Variants in RYR1 observed in about 807,000 individuals in gnomAD.
The protein encoded by RYR1 is central core disease of muscle.
A neutral mutation model predicts 583.5 loss-of-function variants in RYR1; 342 were observed. The observed-to-expected ratio is 0.59, with a 90% CI of 0.54 to 0.64. The LOEUF (loss-of-function observed/expected upper bound fraction) is 0.64, where lower values mean the gene tolerates loss of function less well. Among genes scored for constraint, RYR1 ranks in the 30% least tolerant of loss-of-function variants. The pLI is 0.00. For missense variants in RYR1, 6,032 were observed against 6,917.2 expected, an observed-to-expected ratio of 0.87 and a Z score of 4.54; for synonymous variants, 2,791 against 2,822.5, an observed-to-expected ratio of 0.99 and a Z score of 0.35.
chr19:38,488,475 C>T (rs1969399238), intron 34 of RYR1, among the ~76,000 whole-genome samples: 1 of 152,090 alleles, frequency 6.6e-6, no homozygotes, highest in Non-Finnish European at 1.5e-5. Flanking sequence ...TCCCTCTTTA[C>T]TTCCATATGT....
At chr19:38,564,607 T>C (rs1320723905) in intron 90 of RYR1, among the ~76,000 whole-genome samples, 1 of 150,164 alleles carries the variant, frequency 6.7e-6, no homozygotes, top group East Asian at 2.0e-4. Flanking sequence ...AACCTCCGCC[T>C]CCCGGGTTCA....
intron 67 of RYR1, among the ~76,000 whole-genome samples, chr19:38,520,685 C>G (rs1239575177): frequency 1.8e-5 from 2 of 113,472 alleles, no homozygotes; most frequent in Non-Finnish European, 3.4e-5. Flanking sequence ...CAGAGCGAGG[C>G]TCCACCTCAA....
At chr19:38,461,339 C>G (rs1230610623) in intron 20 of RYR1, among the ~76,000 whole-genome samples, 1 of 151,800 alleles carries the variant, frequency 6.6e-6, no homozygotes, top group East Asian at 1.9e-4. Context: ...GGGGAGCTGC[C>G]CTAGAAGCTG....
intron 33 of RYR1, among the ~76,000 whole-genome samples, chr19:38,484,350 T>C (rs73030950): frequency 0.056 from 8,402 of 151,326 alleles, 510 homozygotes; most frequent in African/African-American, 0.15. Context: ...GCTTCTGACA[T>C]GCCTCTTTCT....
chr19:38,554,164 G>A (rs1419040626), intron 89 of RYR1, among the ~76,000 whole-genome samples: 1 of 151,640 alleles, frequency 6.6e-6, no homozygotes, highest in East Asian at 1.9e-4. Context: ...TGTAGTATTT[G>A]GGCCTAAAGC....
intron 89 of RYR1, among the ~76,000 whole-genome samples, chr19:38,550,875 C>T (rs1186797417): frequency 6.6e-6 from 1 of 152,030 alleles, no homozygotes; most frequent in African/African-American, 2.4e-5. Context: ...AATTATTCCT[C>T]TAGTAGCTGA....
At position 38,499,336 on chromosome 19, in the gene RYR1, TG is replaced by T; in HGVS notation, c.7027+97del. 1.1e-5 allele frequency: 18 copies of T among 1,591,460 alleles called. No homozygotes were observed. In the South Asian group the frequency reaches 1.9e-4, roughly 17 times the overall value. On this transcript the variant is annotated intron_variant, in intron 43 of 105. Coordinates refer to ENST00000359596, the MANE Select transcript of RYR1 (RefSeq NM_000540.3). This position sits in a 1 kb window ranked among gnomAD's most constrained non-coding sequence, Gnocchi z 7.3. Reference sequence around the variant, plus strand: ...GACTGCTCGCACCCTGAGCCACAGATGGGGTCCAGGCAGGAATCCCTTCCAG... The same window carrying T: ...GACTGCTCGCACCCTGAGCCACAGATGGGTCCAGGCAGGAATCCCTTCCAG...
intron 82 of RYR1, among the ~76,000 whole-genome samples, chr19:38,536,463 CCTCG>C (rs1339920871): frequency 2.6e-5 from 4 of 151,542 alleles, no homozygotes; most frequent in African/African-American, 9.7e-5. Flanking sequence ...CTACCCGGAT[CCTCG>C]CTCCTGCCTT....
At chr19:38,472,937 A>G (rs755830640) in intron 27 of RYR1, among the ~76,000 whole-genome samples, 6 of 150,904 alleles carry the variant, frequency 4.0e-5, no homozygotes, top group Non-Finnish European at 7.4e-5. Context: ...AATCATTTGA[A>G]CCCTGTAGGC....
chr19:38,528,968 G>A lies in RYR1; in HGVS notation c.11052G>A (p.Glu3684=). ...IDDLSKAGEQ[E]EEEEEVEEKK... Reference sequence around the variant, plus strand: ...CCCACCAGAAAGCTGGGGAGCAGGAGGAGGAGGAGGAAGAGGTGGAAGAGA... The same window carrying A: ...CCCACCAGAAAGCTGGGGAGCAGGAAGAGGAGGAGGAAGAGGTGGAAGAGA... The change falls in exon 76 of 106, where the codon GAG becomes GAA. Residue 3684 remains glutamate, a synonymous_variant. Coordinates refer to ENST00000359596, the MANE Select transcript of RYR1 (RefSeq NM_000540.3). The A allele has an allele frequency of 6.2e-7, 1 of 1,610,554 alleles. No individual in the cohort carries two copies. The highest frequency in any genetic ancestry group is 2.2e-5 in the East Asian group (1 of 44,834).
chr19:38,585,124 G>T (rs754237426), intron 102 of RYR1, 25 bp downstream of exon 102: 7 of 1,611,844 alleles, frequency 4.3e-6, no homozygotes, highest in Non-Finnish European at 5.9e-6. Context: ...TGGGCGCTCA[G>T]GGCCCGGAGG....
chr19:38,444,327 C>A lies in RYR1; in HGVS notation c.537+66C>A. On this transcript the variant is annotated intron_variant, in intron 6 of 105. Coordinates refer to ENST00000359596, the MANE Select transcript of RYR1 (RefSeq NM_000540.3). This position sits in a 1 kb window ranked among gnomAD's most constrained non-coding sequence, Gnocchi z 5.1. ...GCATGGGATGGTCCCCATCTTCTCA[C>A]CATGGGTTTGCCTGGCTGATCTCCC... 1 of 1,311,246 alleles carries A rather than the reference C, an allele frequency of 7.6e-7. No individual in the cohort carries two copies. Among genetic ancestry groups the A allele is most frequent in the Non-Finnish European group, 1.1e-6 (1 of 917,986 alleles). 81.2% of individuals were successfully genotyped at this position (1,311,246 alleles called of 1,614,324 possible).
At chr19:38,440,895 CAG>C (rs1273518432) in intron 2 of RYR1, 31 bp downstream of exon 2, 4 of 1,599,692 alleles carry the variant, frequency 2.5e-6, no homozygotes, top group Non-Finnish European at 3.4e-6. Flanking sequence ...GGCCTGGGGA[CAG>C]GGGCGTCTGA....
At chr19:38,454,076 A>G (rs7246436) in intron 13 of RYR1, among the ~76,000 whole-genome samples, 99,955 of 151,966 alleles carry the variant, frequency 0.66, 33,201 homozygotes, top group Middle Eastern at 0.74. Flanking sequence ...TCTCTCTGTC[A>G]CCCAGGCTGG....
intron 67 of RYR1, among the ~76,000 whole-genome samples, chr19:38,520,794 A>G (rs1005526406): frequency 4.0e-5 from 6 of 151,784 alleles, no homozygotes; most frequent in Admixed American, 2.6e-4. Context: ...CAATTTTTCA[A>G]TCAGTAAATA....
chr19:38,523,190 G>A (rs575861822), intron 68 of RYR1, 27 bp from the exon 69 acceptor site: 17 of 1,614,132 alleles, frequency 1.1e-5, no homozygotes, highest in East Asian at 6.7e-5. Context: ...TCACCTGTCC[G>A]GTCTGCAACA....
chr19:38,570,442 ACT>A (rs892974478), intron 93 of RYR1, among the ~76,000 whole-genome samples, 163 bp from the exon 94 acceptor site: 37 of 152,212 alleles, frequency 2.4e-4, no homozygotes, highest in African/African-American at 8.7e-4. Context: ...ACAGAGCAAG[ACT>A]CTGTCTCAAA....
In RYR1 at chr19:38,477,054, A is replaced by C. The variant is rs370967206; in HGVS notation, c.4294-656A>C. On this transcript the variant is annotated intron_variant, in intron 29 of 105. Coordinates refer to ENST00000359596, the MANE Select transcript of RYR1 (RefSeq NM_000540.3). ...TCAAAAAAAATAAAAATAAAAAAATAAGGAAAGAAAAAAAAGAAGAAGAAG... is the reference window on the plus strand; with the variant it reads ...TCAAAAAAAATAAAAATAAAAAAATCAGGAAAGAAAAAAAAGAAGAAGAAG... Among the ~76,000 whole-genome samples the C allele has an allele frequency of 3.1e-4, 47 of 151,948 alleles. No individual in the cohort carries two copies. In the South Asian group the frequency reaches 9.6e-3, roughly 31 times the overall value.
At chr19:38,462,123 G>A (rs745715510) in intron 20 of RYR1, among the ~76,000 whole-genome samples, 2 of 152,158 alleles carry the variant, frequency 1.3e-5, no homozygotes, top group African/African-American at 4.8e-5. Context: ...AGGGAATATA[G>A]GTTAGGTTTA....
Sources: allele counts gnomAD v4.1 joint callset (sites outside exome capture counted in the v4.1 genomes callset), GRCh38; gene constraint gnomAD v4.1.1; non-coding constraint Gnocchi (gnomAD v3.1); transcripts MANE v1.5; gene names NCBI Gene and HGNC (gene_info 2026-07-23, HGNC 2026-07-21).